ITGA9: variants seen among roughly 807,000 people sequenced by gnomAD.
ITGA9 encodes integrin alpha-9.
ITGA9 carries 56 observed loss-of-function variants against 127.8 expected under a neutral mutation model. The observed-to-expected ratio is 0.44, with a 90% CI of 0.35 to 0.55. ITGA9 has a LOEUF of 0.55. Among genes scored for constraint, ITGA9 ranks in the 20% least tolerant of loss-of-function variants. The pLI is 0.00. For synonymous variants in ITGA9, 508 were observed against 514.5 expected (o/e 0.99, Z 0.17); for missense variants, 1,196 against 1,347.1 (o/e 0.89, Z 1.76).
chr3:37,688,636 C>T (rs756482346), intron 18 of ITGA9, among the ~76,000 whole-genome samples: 1 of 152,158 alleles, frequency 6.6e-6, no homozygotes, highest in African/African-American at 2.4e-5. Flanking sequence ...ACCATGCCCC[C>T]ACATACTCAC....
At chr3:37,662,371 C>A (rs1486126566) in intron 17 of ITGA9, among the ~76,000 whole-genome samples, 1 of 150,420 alleles carries the variant, frequency 6.6e-6, no homozygotes, top group Non-Finnish European at 1.5e-5. Flanking sequence ...CCACTGCACT[C>A]CAGCCTGGGT....
intron 17 of ITGA9, among the ~76,000 whole-genome samples, chr3:37,675,637 G>A (rs1700673526): frequency 6.6e-6 from 1 of 151,518 alleles, no homozygotes; most frequent in Admixed American, 6.6e-5. Flanking sequence ...AGAAAGAAAA[G>A]CACACATATG....
At chr3:37,505,087 C>T (rs1226630934) in intron 6 of ITGA9, among the ~76,000 whole-genome samples, 2 of 152,140 alleles carry the variant, frequency 1.3e-5, no homozygotes, top group Non-Finnish European at 2.9e-5. Context: ...ATCCATCTAC[C>T]CAACCATGCA....
chr3:37,624,039 A>G (rs1700153176), intron 15 of ITGA9, among the ~76,000 whole-genome samples: 1 of 151,994 alleles, frequency 6.6e-6, no homozygotes, highest in African/African-American at 2.4e-5. Context: ...CTCTTTTAAA[A>G]ACACTTAGAA....
chr3:37,760,139 T>C (rs1011360781), intron 23 of ITGA9, among the ~76,000 whole-genome samples: 2 of 152,114 alleles, frequency 1.3e-5, no homozygotes, highest in East Asian at 1.9e-4. Flanking sequence ...GAGAGTCGTC[T>C]GTAATCTCAG....
chr3:37,466,483 CAAAAAAAAAAAA>C (rs60980366), intron 1 of ITGA9, among the ~76,000 whole-genome samples: 17 of 26,064 alleles, frequency 6.5e-4, no homozygotes, highest in East Asian at 1.6e-3. Flanking sequence ...GACACCATCT[CAAAAAAAAAAAA>C]AAAAAAAAAA....
chr3:37,801,592 C>T (rs1262780254), intron 26 of ITGA9, among the ~76,000 whole-genome samples: 2 of 152,142 alleles, frequency 1.3e-5, no homozygotes, highest in Non-Finnish European at 2.9e-5. Flanking sequence ...GCTGAGATTG[C>T]ACCACTGCAC....
intron 16 of ITGA9, among the ~76,000 whole-genome samples, chr3:37,647,802 G>A (rs1159686175): frequency 6.6e-6 from 1 of 152,028 alleles, no homozygotes; most frequent in Non-Finnish European, 1.5e-5. Context: ...AAAAATGGCA[G>A]GATCTCCTTT....
intron 15 of ITGA9, among the ~76,000 whole-genome samples, chr3:37,566,468 T>C (rs1699548249): frequency 6.6e-6 from 1 of 152,226 alleles, no homozygotes; most frequent in African/African-American, 2.4e-5. Context: ...ACATCTTACA[T>C]ATACATAGTA....
chr3:37,636,117 C>T (rs1286039259), intron 16 of ITGA9, among the ~76,000 whole-genome samples: 1 of 152,162 alleles, frequency 6.6e-6, no homozygotes, highest in East Asian at 1.9e-4. Flanking sequence ...TTTATAGCAG[C>T]ATGATTTATA....
At position 37,512,069 on chromosome 3, in the gene ITGA9, TTTCTTTCCTTCCTTCC is replaced by T. The variant is rs1328511709; in HGVS notation, c.898-1690_898-1675del. ...CTTTCTTTCTTTCTTTCTTTCTTTCTTTCTTTCCTTCCTTCCTTCCTTCCTTCCTTCCTTCCTTCCT... is the reference window on the plus strand; with the variant it reads ...CTTTCTTTCTTTCTTTCTTTCTTTCTTTCCTTCCTTCCTTCCTTCCTTCCT... On this transcript the variant is annotated intron_variant, in intron 8 of 27. Coordinates refer to ENST00000264741, the MANE Select transcript of ITGA9 (RefSeq NM_002207.3). 4.6e-4 allele frequency among the ~76,000 whole-genome samples: 28 copies of T among 60,726 alleles called. 1 individual carries two copies. The highest frequency in any genetic ancestry group is 1.3e-3 in the African/African-American group (20 of 15,672). The allele number at this position is 60,726 out of a possible 152,430, so 39.8% of individuals were successfully genotyped here. A position where few individuals can be genotyped will look rare whatever the true frequency, so the allele number is the denominator to read the frequency against.
chr3:37,609,658 A>G (rs1236394089), intron 15 of ITGA9, among the ~76,000 whole-genome samples: 1 of 152,176 alleles, frequency 6.6e-6, no homozygotes, highest in Non-Finnish European at 1.5e-5. Context: ...ATGCTCACAG[A>G]CATTGTGGGC....
At chr3:37,500,188 G>T (rs1187561912) in intron 5 of ITGA9, among the ~76,000 whole-genome samples, 1 of 152,202 alleles carries the variant, frequency 6.6e-6, no homozygotes, top group Non-Finnish European at 1.5e-5. Flanking sequence ...ACTCTTTCTA[G>T]AACTAGCGTG....
intron 23 of ITGA9, among the ~76,000 whole-genome samples, chr3:37,754,479 T>C (rs1281074764): frequency 1.3e-5 from 2 of 152,190 alleles, no homozygotes; most frequent in African/African-American, 4.8e-5. Flanking sequence ...AGAAGAGATA[T>C]AAAATAAATA....
chr3:37,626,280 G>C (rs1700175397), intron 15 of ITGA9, among the ~76,000 whole-genome samples: 1 of 152,200 alleles, frequency 6.6e-6, no homozygotes, highest in South Asian at 2.1e-4. Context: ...AGCAAGAAAA[G>C]TAGTTTTGCT....
chr3:37,563,441 AT>A (rs1449201127), intron 15 of ITGA9, among the ~76,000 whole-genome samples: 151 of 152,226 alleles, frequency 9.9e-4, no homozygotes, highest in African/African-American at 3.2e-3. Flanking sequence ...TTCTCAGGAG[AT>A]TTGGTTCGGC....
At chr3:37,562,640 G>A (rs908852880) in intron 15 of ITGA9, among the ~76,000 whole-genome samples, 4 of 152,154 alleles carry the variant, frequency 2.6e-5, no homozygotes, top group East Asian at 3.9e-4. Context: ...CTACCTCTTG[G>A]AGCGATAGCT....
At position 37,716,378 on chromosome 3, in the gene ITGA9, G is replaced by A. The variant is rs185387878; in HGVS notation, c.2068-16334G>A. On this transcript the variant is annotated intron_variant, in intron 18 of 27. Coordinates refer to ENST00000264741, the MANE Select transcript of ITGA9 (RefSeq NM_002207.3). ...GCAGAACGAAAAAATGGTATGGAAA[G>A]CAAGGCACCTGAAAAAATTTTCAAA... Among the ~76,000 whole-genome samples, 8 of 152,020 alleles carry A rather than the reference G, an allele frequency of 5.3e-5. 1 individual carries two copies. The highest frequency in any genetic ancestry group is 1.2e-4 in the African/African-American group (5 of 41,458).
chr3:37,630,292 A>G (rs1700218005), intron 16 of ITGA9, among the ~76,000 whole-genome samples: 1 of 152,162 alleles, frequency 6.6e-6, no homozygotes, highest in African/African-American at 2.4e-5. Flanking sequence ...TTATCTCCCA[A>G]AGCCTCTTTC....
Sources: allele counts gnomAD v4.1 joint callset (sites outside exome capture counted in the v4.1 genomes callset), GRCh38; gene constraint gnomAD v4.1.1; transcripts MANE v1.5; gene names NCBI Gene and HGNC (gene_info 2026-07-23, HGNC 2026-07-21).